The following ZFHX3 variants were observed in gnomAD, a reference collection of about 807,000 sequenced individuals.
The protein encoded by ZFHX3 is zinc finger homeobox 3.
A neutral mutation model predicts 279.1 loss-of-function variants in ZFHX3; 42 were observed. The ratio of observed to expected loss-of-function variants is 0.15; its 90% CI spans 0.12 to 0.19. The LOEUF (loss-of-function observed/expected upper bound fraction) is 0.19. Ranked by LOEUF, ZFHX3 falls within the 10% of genes least tolerant of loss-of-function variation. The pLI is 1.00. For missense variants in ZFHX3, 4,981 were observed against 4,754.0 expected (o/e 1.05, Z -1.40); for synonymous variants, 2,293 against 1,957.8 (o/e 1.17, Z -4.52).
At chr16:72,940,978 C>T (rs999353818) in intron 3 of ZFHX3, among the ~76,000 whole-genome samples, 13 of 152,258 alleles carry the variant, frequency 8.5e-5, no homozygotes, top group East Asian at 1.9e-4. Flanking sequence ...GGGTCTCCCA[C>T]GCACTGTGAG....
chr16:73,577,143 T>C (rs1227986885), intron 2 of ZFHX3, among the ~76,000 whole-genome samples: 1 of 152,236 alleles, frequency 6.6e-6, no homozygotes, highest in African/African-American at 2.4e-5. Context: ...AAACATGTAT[T>C]ATTTACTTAC....
At chr16:72,989,120 C>T (rs939963859) in intron 1 of ZFHX3, among the ~76,000 whole-genome samples, 24 of 128,724 alleles carry the variant, frequency 1.9e-4, no homozygotes, top group Admixed American at 4.4e-4. Flanking sequence ...CTGCGGTGAG[C>T]CAAGATCACA....
At chr16:72,898,624 A>C (rs567604032) in intron 3 of ZFHX3, among the ~76,000 whole-genome samples, 91 of 151,956 alleles carry the variant, frequency 6.0e-4, no homozygotes, top group Admixed American at 2.5e-3. Flanking sequence ...ATGTAAACAG[A>C]TTTCACTTCC....
At chr16:73,344,328 C>T (rs148794297) in intron 3 of ZFHX3, among the ~76,000 whole-genome samples, 2 of 152,112 alleles carry the variant, frequency 1.3e-5, no homozygotes, top group East Asian at 3.9e-4. Context: ...TAACCTTCTA[C>T]AAAATAAATG....
intron 1 of ZFHX3, among the ~76,000 whole-genome samples, chr16:73,844,437 T>C (rs779623838): frequency 1.8e-4 from 27 of 152,276 alleles, no homozygotes; most frequent in Admixed American, 8.5e-4. Flanking sequence ...ATGAAAATAA[T>C]GAAGACATTG....
chr16:73,235,498 T>C (rs2012915160), intron 5 of ZFHX3, among the ~76,000 whole-genome samples: 1 of 152,106 alleles, frequency 6.6e-6, no homozygotes, highest in African/African-American at 2.4e-5. Context: ...CAGGGACCTG[T>C]GCACACCAGC....
chr16:72,876,135 C>A (rs960841058), intron 4 of ZFHX3, among the ~76,000 whole-genome samples: 8 of 152,166 alleles, frequency 5.3e-5, no homozygotes, highest in African/African-American at 1.7e-4. Flanking sequence ...AACACACGTG[C>A]ATGCATGCAA....
chr16:73,571,032 A>T (rs1485539663), intron 2 of ZFHX3, among the ~76,000 whole-genome samples: 1 of 151,520 alleles, frequency 6.6e-6, no homozygotes, highest in Non-Finnish European at 1.5e-5. Context: ...ATGACTAGAC[A>T]TATAGCTTTT....
At chr16:73,082,471 G>C (rs924758145) in intron 8 of ZFHX3, among the ~76,000 whole-genome samples, 1 of 152,030 alleles carries the variant, frequency 6.6e-6, no homozygotes, top group Non-Finnish European at 1.5e-5. Flanking sequence ...GGGTTTCACC[G>C]TGTTAGCCAG....
chr16:72,896,864 G>GAC lies in ZFHX3; in HGVS notation c.3217-6904_3217-6903dup, dbSNP rs1266607971. Among the ~76,000 whole-genome samples the GAC allele has an allele frequency of 4.6e-5, 7 of 152,224 alleles. No individual in the cohort carries two copies. In the East Asian group the frequency reaches 7.7e-4, roughly 17 times the overall value. ...AGTAGAAACAGACAAAGTACATTCTGACACACACACACAAACATGCACAAT... is the reference window on the plus strand; with the variant it reads ...AGTAGAAACAGACAAAGTACATTCTGACACACACACACACAAACATGCACAAT... On this transcript the variant is annotated intron_variant, in intron 3 of 9. Coordinates refer to ENST00000268489, the MANE Select transcript of ZFHX3 (RefSeq NM_006885.4).
intron 4 of ZFHX3, among the ~76,000 whole-genome samples, chr16:73,303,457 T>C (rs1420563938): frequency 6.6e-6 from 1 of 152,136 alleles, no homozygotes; most frequent in East Asian, 1.9e-4. Context: ...GATCTTACAA[T>C]TGACATGGAC....
intron 8 of ZFHX3, among the ~76,000 whole-genome samples, chr16:73,091,759 T>A (rs1966085679): frequency 6.6e-6 from 1 of 152,186 alleles, no homozygotes; most frequent in African/African-American, 2.4e-5. Context: ...GCCACTTAAT[T>A]TTCAAAATAC....
intron 2 of ZFHX3, among the ~76,000 whole-genome samples, chr16:73,601,111 T>A (rs1023347275): frequency 5.9e-5 from 9 of 151,972 alleles, no homozygotes; most frequent in Middle Eastern, 3.2e-3. Context: ...TAATGAAGCA[T>A]ATACTGCCTT....
intron 1 of ZFHX3, among the ~76,000 whole-genome samples, chr16:73,008,911 C>CGTGTGTGTGTGTGTGTGTGT (rs5817822): frequency 1.3e-5 from 2 of 149,716 alleles, no homozygotes; most frequent in African/African-American, 4.9e-5. Context: ...AAAGTATATA[C>CGTGTGTGTGTGTGTGTGTGT]GTGTGTGTGT....
At chr16:73,265,368 T>C (rs1203916582) in intron 4 of ZFHX3, among the ~76,000 whole-genome samples, 1 of 152,140 alleles carries the variant, frequency 6.6e-6, no homozygotes, top group African/African-American at 2.4e-5. Context: ...GGAGTCAGCT[T>C]TGCTGCAGTT....
intron 2 of ZFHX3, among the ~76,000 whole-genome samples, chr16:73,673,062 C>T (rs1176235029): frequency 2.0e-5 from 3 of 152,124 alleles, no homozygotes; most frequent in African/African-American, 7.2e-5. Flanking sequence ...TGGTGTGACA[C>T]AGTTTTTATA....
intron 5 of ZFHX3, among the ~76,000 whole-genome samples, chr16:73,251,754 CCACA>C (rs1296818552): frequency 1.2e-4 from 12 of 104,052 alleles, no homozygotes; most frequent in African/African-American, 2.9e-4. Context: ...CACATACACA[CCACA>C]CACACACACA....
chr16:72,844,537 T>C (rs2037428800), intron 4 of ZFHX3, among the ~76,000 whole-genome samples: 1 of 152,058 alleles, frequency 6.6e-6, no homozygotes, highest in South Asian at 2.1e-4. Flanking sequence ...GAAATGTATT[T>C]TAAGGCCCAA....
intron 3 of ZFHX3, among the ~76,000 whole-genome samples, chr16:73,397,733 G>A (rs964903993): frequency 9.2e-5 from 14 of 151,434 alleles, no homozygotes; most frequent in Admixed American, 9.2e-4. Context: ...GAAGTGGAGG[G>A]TGAAAAACAG....
Sources: allele counts gnomAD v4.1 joint callset (sites outside exome capture counted in the v4.1 genomes callset), GRCh38; gene constraint gnomAD v4.1.1; transcripts MANE v1.5; gene names NCBI Gene and HGNC (gene_info 2026-07-23, HGNC 2026-07-21).